CDH18: variants seen among roughly 807,000 people sequenced by gnomAD.
CDH18 encodes the protein cadherin-18.
In CDH18, 31 loss-of-function variants were observed where a neutral mutation model predicts 67.9. The ratio of observed to expected loss-of-function variants is 0.46; its 90% CI spans 0.34 to 0.62. The LOEUF (loss-of-function observed/expected upper bound fraction) is 0.62, where lower values mean the gene tolerates loss of function less well. Among genes scored for constraint, CDH18 ranks in the 20% least tolerant of loss-of-function variants. CDH18 has a pLI of 0.01. For missense variants in CDH18, 890 were observed against 975.5 expected, an observed-to-expected ratio of 0.91 and a Z score of 1.17; for synonymous variants, 362 against 347.2, an observed-to-expected ratio of 1.04 and a Z score of -0.48.
chr5:20,241,964 C>A (rs1367898342), intron 2 of CDH18, among the ~76,000 whole-genome samples: 1 of 149,434 alleles, frequency 6.7e-6, no homozygotes, highest in Non-Finnish European at 1.5e-5. Flanking sequence ...AATCTGATTT[C>A]TGGAAAAAAT....
chr5:20,153,390 C>A (rs544353250), intron 2 of CDH18, among the ~76,000 whole-genome samples: 1 of 152,166 alleles, frequency 6.6e-6, no homozygotes, highest in Admixed American at 6.6e-5. Flanking sequence ...AATATGTGGG[C>A]AAGCACATAA....
intron 2 of CDH18, among the ~76,000 whole-genome samples, chr5:20,007,816 G>C (rs186250356): frequency 1.4e-4 from 21 of 151,816 alleles, no homozygotes; most frequent in South Asian, 4.2e-4. Flanking sequence ...TAAGACTAGT[G>C]AAATATGAAG....
chr5:20,229,026 T>C (rs906081470), intron 2 of CDH18, among the ~76,000 whole-genome samples: 4 of 152,092 alleles, frequency 2.6e-5, no homozygotes, highest in Non-Finnish European at 4.4e-5. Flanking sequence ...CATAGTCTAA[T>C]TGATAGTTGG....
chr5:19,846,924 T>C (rs1052369639), intron 2 of CDH18, among the ~76,000 whole-genome samples: 12 of 114,480 alleles, frequency 1.0e-4, no homozygotes, highest in African/African-American at 3.5e-4. Context: ...TTTTTTCTTT[T>C]TCTTTTACCT....
At chr5:19,761,381 G>A (rs966698213) in intron 3 of CDH18, among the ~76,000 whole-genome samples, 4 of 152,142 alleles carry the variant, frequency 2.6e-5, no homozygotes, top group African/African-American at 9.7e-5. Context: ...AAGGTATTAT[G>A]TATAGAGTCA....
chr5:19,923,476 T>G (rs1433733989), intron 2 of CDH18, among the ~76,000 whole-genome samples: 1 of 152,204 alleles, frequency 6.6e-6, no homozygotes, highest in African/African-American at 2.4e-5. Context: ...CCACTAACTA[T>G]CTTTGTCATT....
intron 2 of CDH18, among the ~76,000 whole-genome samples, chr5:20,233,995 T>G (rs2126514929): frequency 6.6e-6 from 1 of 152,242 alleles, no homozygotes; most frequent in Admixed American, 6.5e-5. Flanking sequence ...TTAGTCTCTC[T>G]CTCTGTTTCT....
intron 5 of CDH18, among the ~76,000 whole-genome samples, chr5:19,639,730 C>A (rs192720661): frequency 6.6e-6 from 1 of 152,244 alleles, no homozygotes; most frequent in African/African-American, 2.4e-5. Flanking sequence ...CAGACACATG[C>A]CCCTTGCGTG....
intron 1 of CDH18, among the ~76,000 whole-genome samples, chr5:20,395,281 C>A (rs554235049): frequency 5.9e-5 from 9 of 152,072 alleles, no homozygotes; most frequent in Non-Finnish European, 1.0e-4. Flanking sequence ...TGAAATAATA[C>A]CTTTTGCAGC....
chr5:19,670,617 CG>C (rs1393741128), intron 5 of CDH18, among the ~76,000 whole-genome samples: 1 of 151,996 alleles, frequency 6.6e-6, no homozygotes, highest in African/African-American at 2.4e-5. Flanking sequence ...GCTATGGCTG[CG>C]GGTGGAAATG....
At chr5:20,566,020 C>G (rs1023729456) in intron 1 of CDH18, among the ~76,000 whole-genome samples, 1 of 152,074 alleles carries the variant, frequency 6.6e-6, no homozygotes, top group Non-Finnish European at 1.5e-5. Flanking sequence ...TTAACAAAAT[C>G]TTGCAAATAT....
intron 4 of CDH18, among the ~76,000 whole-genome samples, chr5:19,740,009 T>C (rs906940245): frequency 1.3e-5 from 2 of 152,106 alleles, no homozygotes; most frequent in African/African-American, 2.4e-5. Flanking sequence ...TGAAGAAGAT[T>C]AGAGATGTTT....
At chr5:19,666,814 T>A (rs1758022278) in intron 5 of CDH18, among the ~76,000 whole-genome samples, 1 of 152,144 alleles carries the variant, frequency 6.6e-6, no homozygotes, top group Admixed American at 6.6e-5. Context: ...GGAAATAGAA[T>A]TGAGATTAAT....
chr5:20,553,766 G>A (rs1561124856), intron 1 of CDH18, among the ~76,000 whole-genome samples: 1 of 151,982 alleles, frequency 6.6e-6, no homozygotes, highest in African/African-American at 2.4e-5. Context: ...CACTTGAAAT[G>A]AAAAAATTAC....
At chr5:19,941,363 A>C (rs966815169) in intron 2 of CDH18, among the ~76,000 whole-genome samples, 30 of 152,250 alleles carry the variant, frequency 2.0e-4, no homozygotes, top group African/African-American at 6.7e-4. Flanking sequence ...AAATGGAATA[A>C]GATAACTAAT....
chr5:19,668,363 T>C (rs1281353229), intron 5 of CDH18, among the ~76,000 whole-genome samples: 1 of 117,834 alleles, frequency 8.5e-6, no homozygotes, highest in African/African-American at 3.1e-5. Context: ...TCTATTAGTT[T>C]CTATGACTCT....
chr5:20,220,062 A>G (rs1202065919), intron 2 of CDH18, among the ~76,000 whole-genome samples: 3 of 152,140 alleles, frequency 2.0e-5, no homozygotes, highest in South Asian at 2.1e-4. Flanking sequence ...AAAGTAATGT[A>G]TAGATTCAAA....
At chr5:19,637,050 C>T (rs191535447) in intron 5 of CDH18, among the ~76,000 whole-genome samples, 1 of 152,204 alleles carries the variant, frequency 6.6e-6, no homozygotes, top group Admixed American at 6.5e-5. Flanking sequence ...CAGTTTTACT[C>T]CTCAGGGAAA....
At chr5:19,603,035 T>C (rs1477070881) in intron 6 of CDH18, among the ~76,000 whole-genome samples, 2 of 152,086 alleles carry the variant, frequency 1.3e-5, no homozygotes, top group Admixed American at 6.6e-5. Context: ...GGATATATAC[T>C]TAAAAGCACT....
Sources: gnomAD v4.1 joint callset for allele counts (sites outside exome capture counted in the v4.1 genomes callset) on GRCh38, gnomAD v4.1.1 for gene constraint, MANE v1.5 for transcripts, NCBI Gene and HGNC (gene_info 2026-07-23, HGNC 2026-07-21) for gene names.